Variants in ACKR3 observed in about 807,000 individuals in gnomAD.
ACKR3 encodes C-X-C chemokine receptor type 7.
ACKR3 carries 6 observed loss-of-function variants against 22.4 expected under a neutral mutation model. The ratio of observed to expected loss-of-function variants is 0.27; its 90% CI spans 0.15 to 0.53. The LOEUF (loss-of-function observed/expected upper bound fraction) is 0.53. Ranked by LOEUF, ACKR3 falls within the 20% of genes least tolerant of loss-of-function variation. The pLI is 0.96. For synonymous variants in ACKR3, 209 were observed against 205.2 expected (o/e 1.02, Z -0.16); for missense variants, 396 against 475.2 (o/e 0.83, Z 1.55).
At chr2:236,543,119 G>A in the ACKR3 span, among the ~76,000 whole-genome samples, 1 of 152,168 alleles carries the variant, frequency 6.6e-6, no homozygotes, top group Non-Finnish European at 1.5e-5. Flanking sequence ...GGTGCTACTT[G>A]GACATATATT....
the ACKR3 span, among the ~76,000 whole-genome samples, chr2:236,549,928 T>C: frequency 4.6e-5 from 7 of 152,238 alleles, no homozygotes; most frequent in Non-Finnish European, 8.8e-5. This position sits in a 1 kb window ranked among gnomAD's most constrained non-coding sequence, Gnocchi z 5.3. Flanking sequence ...TTCTCTAATG[T>C]GACGGAGGGA....
chr2:236,558,634 T>G, the ACKR3 span, among the ~76,000 whole-genome samples: 1 of 152,292 alleles, frequency 6.6e-6, no homozygotes, highest in East Asian at 1.9e-4. Context: ...CACACAAGTA[T>G]TTTGAGGGTG....
rs1246490968 is a variant in ACKR3, at chr2:236,580,444, TTTGA to T, written c.-18_-15del. 4 of 1,592,758 alleles carry T rather than the reference TTTGA, an allele frequency of 2.5e-6. No individual in the cohort carries two copies. Among genetic ancestry groups the T allele is most frequent in the Non-Finnish European group, 3.4e-6 (4 of 1,164,068 alleles). On this transcript the variant is annotated 5_prime_UTR_variant, in exon 2 of 2. Transcript: ENST00000272928. ...GTTTGCTTGGTTTTCTCATAGGTCA[TTTGA>T]TTGCCCGCCTCAGAACGATGGATCT... is the stretch of plus-strand genomic sequence containing the variant.
chr2:236,555,522 A>T, the ACKR3 span, among the ~76,000 whole-genome samples: 1 of 152,164 alleles, frequency 6.6e-6, no homozygotes, highest in African/African-American at 2.4e-5. Context: ...GTCTATTTTC[A>T]TACCTGGTCA....
intron 1 of ACKR3, among the ~76,000 whole-genome samples, chr2:236,570,443 T>C (rs1435442475): frequency 6.6e-6 from 1 of 152,232 alleles, no homozygotes; most frequent in Non-Finnish European, 1.5e-5. Flanking sequence ...TGAGAATCTT[T>C]GTGAGTCCAA....
At chr2:236,579,933 G>A (rs1163230901) in intron 1 of ACKR3, among the ~76,000 whole-genome samples, 1 of 152,208 alleles carries the variant, frequency 6.6e-6, no homozygotes, top group East Asian at 1.9e-4. Context: ...AAATTTGGAG[G>A]AGGATTTGAA....
At chr2:236,537,873 G>A in the ACKR3 span, among the ~76,000 whole-genome samples, 2 of 152,062 alleles carry the variant, frequency 1.3e-5, no homozygotes, top group African/African-American at 2.4e-5. Context: ...TCACTAATGC[G>A]TATTCATGCT....
chr2:236,541,409 C>T, the ACKR3 span, among the ~76,000 whole-genome samples: 1 of 152,160 alleles, frequency 6.6e-6, no homozygotes, highest in Non-Finnish European at 1.5e-5. Context: ...TAAAGAATTC[C>T]CCTGTCCAAG....
chr2:236,547,784 C>T, the ACKR3 span, among the ~76,000 whole-genome samples: 1 of 152,060 alleles, frequency 6.6e-6, no homozygotes, highest in Non-Finnish European at 1.5e-5. Flanking sequence ...ATTCTTTGTG[C>T]AGTCTGCCTT....
chr2:236,541,613 G>A, the ACKR3 span, among the ~76,000 whole-genome samples: 74 of 152,304 alleles, frequency 4.9e-4, 1 homozygote, highest in Non-Finnish European at 9.1e-4. Context: ...ACAGAACCAC[G>A]TACACAGCAG....
chr2:236,573,758 C>T (rs1180373494), intron 1 of ACKR3, among the ~76,000 whole-genome samples: 1 of 152,218 alleles, frequency 6.6e-6, no homozygotes, highest in African/African-American at 2.4e-5. Context: ...CTGTGGGGTT[C>T]GTATCACTTC....
intron 1 of ACKR3, 131 bp from the exon 2 acceptor site, chr2:236,580,309 C>T: frequency 7.0e-6 from 6 of 854,678 alleles, no homozygotes; most frequent in South Asian, 5.7e-5. Context: ...TTTGCAAAGA[C>T]ATTACAGAGC....
chr2:236,563,941 G>T (rs567783504), upstream of ACKR3, among the ~76,000 whole-genome samples: 1 of 152,288 alleles, frequency 6.6e-6, no homozygotes, highest in South Asian at 2.1e-4. Flanking sequence ...GAGGATGTAG[G>T]GGTATGAAAC....
the ACKR3 span, among the ~76,000 whole-genome samples, chr2:236,550,078 C>T: frequency 6.6e-6 from 1 of 152,184 alleles, no homozygotes; most frequent in East Asian, 1.9e-4. This position sits in a 1 kb window ranked among gnomAD's most constrained non-coding sequence, Gnocchi z 4.6. Flanking sequence ...TCATCAACAG[C>T]TCCAGTTCTA....
At chr2:236,565,317 G>C (rs902738542), upstream of ACKR3, among the ~76,000 whole-genome samples, 20 of 152,290 alleles carry the variant, frequency 1.3e-4, no homozygotes, top group African/African-American at 4.1e-4. Context: ...CGATTCCAGC[G>C]TATTGACTAA....
the ACKR3 span, among the ~76,000 whole-genome samples, chr2:236,555,805 C>CT: frequency 1.4e-5 from 2 of 143,110 alleles, no homozygotes; most frequent in Admixed American, 1.3e-4. Flanking sequence ...CTTACATGGC[C>CT]TTTTTACCTT....
upstream of ACKR3, among the ~76,000 whole-genome samples, chr2:236,563,492 A>C (rs1254332246): frequency 6.6e-6 from 1 of 152,202 alleles, no homozygotes; most frequent in Non-Finnish European, 1.5e-5. Flanking sequence ...CTTTGGTTAG[A>C]ATGTCGAAAG....
chr2:236,544,123 G>A, the ACKR3 span, among the ~76,000 whole-genome samples: 15 of 150,838 alleles, frequency 9.9e-5, no homozygotes, highest in Middle Eastern at 6.8e-3. This position sits in a 1 kb window ranked among gnomAD's most constrained non-coding sequence, Gnocchi z 5.0. Context: ...CCGAGTAGCT[G>A]GAACTACAGG....
chr2:236,554,741 G>T, the ACKR3 span, among the ~76,000 whole-genome samples: 2 of 152,208 alleles, frequency 1.3e-5, no homozygotes, highest in Non-Finnish European at 2.9e-5. Context: ...CAGGGCAGGA[G>T]CCCTAGATGC....
Sources: gnomAD v4.1 joint callset for allele counts (sites outside exome capture counted in the v4.1 genomes callset) on GRCh38, gnomAD v4.1.1 for gene constraint, Gnocchi (gnomAD v3.1) non-coding constraint, MANE v1.5 for transcripts, NCBI Gene and HGNC (gene_info 2026-07-23, HGNC 2026-07-21) for gene names.